Variants in XPO6 observed in about 807,000 individuals in gnomAD.
XPO6 encodes exportin 6, also known as exportin-6.
XPO6 carries 3 observed loss-of-function variants against 130.0 expected under a neutral mutation model. The ratio of observed to expected loss-of-function variants is 0.02; its 90% CI spans 0.01 to 0.06. The LOEUF (loss-of-function observed/expected upper bound fraction) is 0.06, where lower values mean the gene tolerates loss of function less well. XPO6 is among the 10% of genes least tolerant of loss of function. The pLI is 1.00. For missense variants in XPO6, 970 were observed against 1,393.0 expected (o/e 0.70, Z 4.83); for synonymous variants, 524 against 548.9 (o/e 0.95, Z 0.63).
intron 1 of XPO6, among the ~76,000 whole-genome samples, chr16:28,190,722 G>A (rs888990409): frequency 6.6e-5 from 10 of 152,124 alleles, no homozygotes; most frequent in Admixed American, 3.3e-4. Context: ...ACCGAAGATG[G>A]TAACTGTACC....
chr16:28,188,510 G>A (rs1042623591), intron 1 of XPO6, among the ~76,000 whole-genome samples: 5 of 152,114 alleles, frequency 3.3e-5, no homozygotes, highest in African/African-American at 1.2e-4. Context: ...TGCTGCCAAC[G>A]AAGGTTAAAA....
chr16:28,145,165 T>C (rs947112685), intron 9 of XPO6, among the ~76,000 whole-genome samples: 2 of 152,244 alleles, frequency 1.3e-5, no homozygotes, highest in Non-Finnish European at 2.9e-5. Context: ...AGGAAACTAC[T>C]CTGATCCTAA....
intron 12 of XPO6, among the ~76,000 whole-genome samples, chr16:28,131,366 G>C (rs921046606): frequency 6.6e-6 from 1 of 152,188 alleles, no homozygotes; most frequent in Non-Finnish European, 1.5e-5. Flanking sequence ...GCTGCACACT[G>C]GGCGGCTCTG....
At chr16:28,125,124 C>G (rs2087361352) in intron 13 of XPO6, among the ~76,000 whole-genome samples, 1 of 152,136 alleles carries the variant, frequency 6.6e-6, no homozygotes, top group African/African-American at 2.4e-5. Flanking sequence ...AGAAAAGGAG[C>G]CCAGTGGTGA....
At chr16:28,167,402 A>G in intron 5 of XPO6, 1 of 984,878 alleles carries the variant, frequency 1.0e-6, no homozygotes, top group Non-Finnish European at 1.2e-6. Context: ...CCCAGGCTTC[A>G]GCTCACCCGA....
At chr16:28,124,120 C>G (rs2141270109) in intron 13 of XPO6, among the ~76,000 whole-genome samples, 1 of 150,274 alleles carries the variant, frequency 6.7e-6, no homozygotes, top group Middle Eastern at 3.4e-3. Flanking sequence ...TGCACTGGCG[C>G]AATCTCAGCT....
In XPO6 at chr16:28,101,588, G is replaced by A; in HGVS notation, c.3146C>T (p.Ala1049Val). ...HDLLQEEIGIAIYNMASVDFD... is the reference protein window; with the variant it reads ...HDLLQEEIGIVIYNMASVDFD... ...GTCGACTGAGGCCATGTTGTAGATG[G>A]CGATGCCAATCTCCTCCTGCAGAAG... is the stretch of plus-strand genomic sequence containing the variant. The change falls in exon 23 of 24, where the codon GCC becomes GTC. Residue 1049 changes from alanine to valine, a missense_variant. Ala to Val is a moderately conservative substitution (Grantham distance 64). Around this residue, in one of 4 missense-constraint regions of XPO6, gnomAD observed 936 missense variants for 1,306.8 expected, o/e 0.72. Transcript: ENST00000304658. This position sits in a 1 kb window ranked among gnomAD's most constrained non-coding sequence, Gnocchi z 5.4. The A allele has an allele frequency of 6.2e-7, 1 of 1,614,240 alleles. No homozygotes were observed. Among genetic ancestry groups the A allele is most frequent in the Non-Finnish European group, 8.5e-7 (1 of 1,180,048 alleles).
At chr16:28,163,384 T>G (rs1293756026) in intron 6 of XPO6, among the ~76,000 whole-genome samples, 1 of 152,274 alleles carries the variant, frequency 6.6e-6, no homozygotes, top group Non-Finnish European at 1.5e-5. Context: ...TGTACAGATC[T>G]ATATTTGAAA....
At chr16:28,200,144 G>A (rs1179988995) in intron 1 of XPO6, among the ~76,000 whole-genome samples, 13 of 148,476 alleles carry the variant, frequency 8.8e-5, no homozygotes, top group South Asian at 2.2e-4. Context: ...GAAACAGAGG[G>A]AGACTCTATC....
chr16:28,172,526 AGT>A (rs1175060386), intron 4 of XPO6, among the ~76,000 whole-genome samples: 1 of 152,134 alleles, frequency 6.6e-6, no homozygotes, highest in East Asian at 1.9e-4. Flanking sequence ...TAGAACCATT[AGT>A]GTTATGTGTG....
chr16:28,135,385 G>T, intron 9 of XPO6, 61 bp from the exon 10 acceptor site: 1 of 1,349,818 alleles, frequency 7.4e-7, no homozygotes, highest in Non-Finnish European at 1.1e-6. Flanking sequence ...TTTGGAAAAT[G>T]CCTCCTGCAC....
intron 14 of XPO6, among the ~76,000 whole-genome samples, chr16:28,119,099 T>C (rs2087155964): frequency 6.6e-6 from 1 of 151,992 alleles, no homozygotes; most frequent in Non-Finnish European, 1.5e-5. Flanking sequence ...CACAGCAGCC[T>C]CCAACTCCTG....
intron 12 of XPO6, among the ~76,000 whole-genome samples, chr16:28,127,916 A>G (rs1596829903): frequency 2.0e-5 from 3 of 152,326 alleles, no homozygotes; most frequent in African/African-American, 7.2e-5. Context: ...GCCCTGGCGC[A>G]GAAACAAGAT....
At position 28,169,756 on chromosome 16, in the gene XPO6, G is replaced by A. The variant is rs778405479; in HGVS notation, c.559C>T (p.Leu187=). Residue 187 remains leucine (L), a synonymous_variant, in exon 5 of 24, where the codon CTG becomes TTG. Transcript: ENST00000304658. ...LDQVQTVLGL[L]TGILETVWDK... ...GCACTACCATACTGCTCACCTGTCA[G>A]TAGCCCAAGCACTGTCTGCACCTGG... is the stretch of plus-strand genomic sequence containing the variant. The A allele has an allele frequency of 6.2e-6, 10 of 1,613,822 alleles. No homozygotes were observed. In the South Asian group the frequency reaches 8.8e-5, roughly 14 times the overall value.
chr16:28,155,083 A>G (rs1456494205), intron 7 of XPO6, among the ~76,000 whole-genome samples: 1 of 152,242 alleles, frequency 6.6e-6, no homozygotes, highest in Non-Finnish European at 1.5e-5. Context: ...AATATTTTAC[A>G]AAACTGCCCA....
At chr16:28,113,854 T>C (rs1246792751) in intron 15 of XPO6, among the ~76,000 whole-genome samples, 1 of 152,172 alleles carries the variant, frequency 6.6e-6, no homozygotes, top group African/African-American at 2.4e-5. Context: ...TAATGAAACA[T>C]ATTCCTGATG....
At chr16:28,201,948 C>T (rs1288352014) in intron 1 of XPO6, among the ~76,000 whole-genome samples, 2 of 152,188 alleles carry the variant, frequency 1.3e-5, no homozygotes, top group African/African-American at 4.8e-5. Context: ...AAATACCAAA[C>T]TATAATCGAA....
intron 1 of XPO6, among the ~76,000 whole-genome samples, chr16:28,187,437 A>G (rs1596954011): frequency 6.6e-6 from 1 of 152,188 alleles, no homozygotes; most frequent in East Asian, 1.9e-4. Context: ...CAGGTTCCCC[A>G]AGTTTGAATC....
intron 14 of XPO6, among the ~76,000 whole-genome samples, chr16:28,121,145 C>G (rs1326310759): frequency 6.6e-6 from 1 of 152,220 alleles, no homozygotes; most frequent in Non-Finnish European, 1.5e-5. Flanking sequence ...CTCTAGATGT[C>G]CTGCTTCAAA....
Sources: gnomAD v4.1 joint callset for allele counts (sites outside exome capture counted in the v4.1 genomes callset) on GRCh38, gnomAD v4.1.1 for gene constraint, gnomAD v4.1.1 regional missense constraint, Gnocchi (gnomAD v3.1) non-coding constraint, MANE v1.5 for transcripts, NCBI Gene and HGNC (gene_info 2026-07-23, HGNC 2026-07-21) for gene names.